ANTXR2: variants seen among roughly 807,000 people sequenced by gnomAD.
ANTXR2 encodes the protein anthrax toxin receptor 2.
ANTXR2 carries 44 observed loss-of-function variants against 73.7 expected under a neutral mutation model. That is an observed-to-expected ratio of 0.60 (90% CI 0.47 to 0.77). ANTXR2 has a LOEUF of 0.77. ANTXR2 is among the 30% of genes least tolerant of loss of function. ANTXR2 has a pLI of 0.00. For missense variants in ANTXR2, 604 were observed against 592.5 expected, an observed-to-expected ratio of 1.02 and a Z score of -0.20; for synonymous variants, 217 against 205.9, an observed-to-expected ratio of 1.05 and a Z score of -0.46.
intron 12 of ANTXR2, among the ~76,000 whole-genome samples, chr4:80,002,885 G>T (rs1042157083): frequency 2.0e-5 from 3 of 148,478 alleles, no homozygotes; most frequent in African/African-American, 7.4e-5. Context: ...CAGTTAGAAT[G>T]GCAATCATTA....
intron 10 of ANTXR2, among the ~76,000 whole-genome samples, chr4:80,025,488 T>C (rs1347320589): frequency 6.6e-6 from 1 of 152,180 alleles, no homozygotes; most frequent in Non-Finnish European, 1.5e-5. Flanking sequence ...AATAAAATTG[T>C]GAAAGACATT....
chr4:80,052,663 T>C (rs1473380619), intron 7 of ANTXR2, among the ~76,000 whole-genome samples: 1 of 151,688 alleles, frequency 6.6e-6, no homozygotes, highest in Non-Finnish European at 1.5e-5. Flanking sequence ...ACTCAAGAGA[T>C]TTTGTTGGCA....
At chr4:80,013,306 C>T (rs1731686420) in intron 11 of ANTXR2, among the ~76,000 whole-genome samples, 1 of 152,146 alleles carries the variant, frequency 6.6e-6, no homozygotes, top group South Asian at 2.1e-4. Flanking sequence ...AGCACTTGCT[C>T]TGTGTAAGGA....
chr4:80,026,118 C>T (rs570404450), intron 10 of ANTXR2, among the ~76,000 whole-genome samples: 1 of 152,196 alleles, frequency 6.6e-6, no homozygotes, highest in Non-Finnish European at 1.5e-5. Flanking sequence ...TGTGTGTCTC[C>T]ACCCAAATCT....
intron 16 of ANTXR2, among the ~76,000 whole-genome samples, chr4:79,948,312 A>G (rs186480619): frequency 1.3e-5 from 2 of 152,308 alleles, no homozygotes; most frequent in African/African-American, 2.4e-5. Context: ...ATATAACTCA[A>G]TCAAAACCAA....
chr4:80,043,410 G>A (rs1733368783), intron 7 of ANTXR2, among the ~76,000 whole-genome samples: 1 of 151,952 alleles, frequency 6.6e-6, no homozygotes, highest in South Asian at 2.1e-4. Flanking sequence ...TAAAAAGTCT[G>A]TCATGTATTA....
At chr4:79,926,979 G>GTGCATATA (rs1297326048) in intron 16 of ANTXR2, among the ~76,000 whole-genome samples, 1 of 43,730 alleles carries the variant, frequency 2.3e-5, no homozygotes, top group African/African-American at 4.3e-5. Flanking sequence ...GTATATATAC[G>GTGCATATA]TGTGCATATA....
chr4:80,063,920 C>CG (rs1734378526), intron 3 of ANTXR2, among the ~76,000 whole-genome samples: 1 of 152,074 alleles, frequency 6.6e-6, no homozygotes, highest in Non-Finnish European at 1.5e-5. Flanking sequence ...GCTAGTATTT[C>CG]AGTAGGACAT....
intron 16 of ANTXR2, among the ~76,000 whole-genome samples, chr4:79,960,290 AG>A (rs1729095714): frequency 6.6e-6 from 1 of 152,196 alleles, no homozygotes; most frequent in Admixed American, 6.5e-5. Context: ...AAGTATGCTT[AG>A]TACTGGATAT....
At chr4:79,953,351 A>C (rs1728777292) in intron 16 of ANTXR2, among the ~76,000 whole-genome samples, 1 of 152,222 alleles carries the variant, frequency 6.6e-6, no homozygotes, top group African/African-American at 2.4e-5. Context: ...AGATCAAAAT[A>C]AGAGCTCAAG....
chr4:80,067,098 C>T (rs112219627), intron 3 of ANTXR2, among the ~76,000 whole-genome samples: 8,739 of 151,820 alleles, frequency 0.058, 622 homozygotes, highest in South Asian at 0.19. Context: ...CTCAGCTACG[C>T]GGGAGGCTGA....
chr4:79,991,645 G>A (rs540072811), intron 12 of ANTXR2, among the ~76,000 whole-genome samples: 5 of 152,008 alleles, frequency 3.3e-5, no homozygotes, highest in South Asian at 4.1e-4. Context: ...AAAGACATAC[G>A]CACTTGTATG....
chr4:80,030,339 A>G (rs1347673993), intron 10 of ANTXR2, among the ~76,000 whole-genome samples: 1 of 152,108 alleles, frequency 6.6e-6, no homozygotes, highest in East Asian at 1.9e-4. Context: ...ACCTGGAATT[A>G]CAGATTCACT....
chr4:80,049,337 C>T (rs1157286632), intron 7 of ANTXR2, among the ~76,000 whole-genome samples: 1 of 151,696 alleles, frequency 6.6e-6, no homozygotes, highest in Non-Finnish European at 1.5e-5. Flanking sequence ...CTGACCTTTA[C>T]TAGTTCAAAT....
chr4:80,042,013 A>T (rs1733290679), intron 7 of ANTXR2, among the ~76,000 whole-genome samples: 1 of 152,100 alleles, frequency 6.6e-6, no homozygotes, highest in Admixed American at 6.6e-5. Flanking sequence ...ATGTTTAATC[A>T]TTCTATGAAT....
intron 11 of ANTXR2, among the ~76,000 whole-genome samples, chr4:80,012,826 A>G (rs1182510092): frequency 1.3e-4 from 20 of 152,200 alleles, no homozygotes. Context: ...GGCTGGGTCC[A>G]CATAAGAAGA....
chr4:80,060,806 G>C (rs1734214647), intron 3 of ANTXR2, among the ~76,000 whole-genome samples: 1 of 152,182 alleles, frequency 6.6e-6, no homozygotes, highest in South Asian at 2.1e-4. Context: ...TCTTGGAACA[G>C]ATCTCCTTCA....
At chr4:79,932,799 A>G (rs1728111209) in intron 16 of ANTXR2, among the ~76,000 whole-genome samples, 2 of 149,612 alleles carry the variant, frequency 1.3e-5, no homozygotes, top group East Asian at 3.9e-4. Context: ...TCTCAAAAAA[A>G]AAAAAAAAAA....
intron 3 of ANTXR2, among the ~76,000 whole-genome samples, chr4:80,063,726 C>A (rs999214771): frequency 6.6e-6 from 1 of 152,106 alleles, no homozygotes; most frequent in East Asian, 1.9e-4. Flanking sequence ...TATATGTTCT[C>A]TTGTAAATAT....
Sources: gnomAD v4.1 joint callset for allele counts (sites outside exome capture counted in the v4.1 genomes callset) on GRCh38, gnomAD v4.1.1 for gene constraint, MANE v1.5 for transcripts, NCBI Gene and HGNC (gene_info 2026-07-23, HGNC 2026-07-21) for gene names.